Variants in CEP192 observed in about 807,000 individuals in gnomAD.
The protein encoded by CEP192 is centrosomal protein 192.
Under a neutral mutation model 271.8 loss-of-function variants are expected in CEP192, and 151 were observed. The ratio of observed to expected loss-of-function variants is 0.56; its 90% CI spans 0.49 to 0.64. CEP192 has a LOEUF of 0.64. Among genes scored for constraint, CEP192 ranks in the 30% least tolerant of loss-of-function variants. The probability of loss-of-function intolerance (pLI) is 0.00; values close to 1 mark genes in which losing one functional copy is unlikely to be tolerated. For missense variants in CEP192, 2,910 were observed against 3,020.5 expected, an observed-to-expected ratio of 0.96 and a Z score of 0.86; for synonymous variants, 995 against 1,076.5, an observed-to-expected ratio of 0.92 and a Z score of 1.48.
intron 9 of CEP192, among the ~76,000 whole-genome samples, chr18:13,023,679 G>A (rs1331035308): frequency 1.3e-5 from 2 of 152,028 alleles, no homozygotes; most frequent in Admixed American, 6.6e-5. Context: ...GGAGAAATTG[G>A]TCAGTAGTTT....
intron 44 of CEP192, among the ~76,000 whole-genome samples, chr18:13,121,219 TTTAG>T (rs1414923706): frequency 6.6e-6 from 1 of 152,260 alleles, no homozygotes; most frequent in African/African-American, 2.4e-5. Context: ...ATTCCCAGCC[TTTAG>T]TTAATCACAT....
At chr18:13,112,289 A>T (rs1424364258) in intron 40 of CEP192, among the ~76,000 whole-genome samples, 1 of 152,238 alleles carries the variant, frequency 6.6e-6, no homozygotes, top group East Asian at 1.9e-4. Context: ...TTTGGCAGTG[A>T]AAAGGAATGG....
At chr18:13,073,941 T>G (rs915564566) in intron 30 of CEP192, among the ~76,000 whole-genome samples, 9 of 152,230 alleles carry the variant, frequency 5.9e-5, no homozygotes, top group African/African-American at 2.2e-4. Context: ...GTTTTTATGC[T>G]TTTTAATTGC....
At chr18:13,119,648 A>C (rs1568448767) in intron 44 of CEP192, among the ~76,000 whole-genome samples, 1 of 152,332 alleles carries the variant, frequency 6.6e-6, no homozygotes, top group East Asian at 1.9e-4. Flanking sequence ...AGACTGAGGC[A>C]GGAGAATCCC....
At chr18:13,029,570 A>G (rs2035497172) in intron 9 of CEP192, 93 bp from the exon 10 acceptor site, 1 of 739,816 alleles carries the variant, frequency 1.4e-6, no homozygotes, top group South Asian at 2.2e-5. Flanking sequence ...ATTTTATATC[A>G]ACTATATAAT....
At chr18:13,095,366 C>A in intron 34 of CEP192, 137 bp from the exon 35 acceptor site, 1 of 687,650 alleles carries the variant, frequency 1.5e-6, no homozygotes, top group Non-Finnish European at 2.4e-6. Context: ...CCTGATAACT[C>A]ACTTTTAACT....
chr18:13,096,042 T>C (rs2039382892), intron 35 of CEP192, 142 bp from the exon 36 acceptor site: 1 of 836,894 alleles, frequency 1.2e-6, no homozygotes, highest in South Asian at 1.8e-5. Flanking sequence ...CTACCAAGGA[T>C]TGGAAATTTC....
At chr18:13,052,784 T>C (rs2036864551) in intron 17 of CEP192, 135 bp from the exon 18 acceptor site, 1 of 595,274 alleles carries the variant, frequency 1.7e-6, no homozygotes, top group African/African-American at 1.8e-5. Flanking sequence ...TTTACAATTT[T>C]AGATAATTAA....
intron 30 of CEP192, among the ~76,000 whole-genome samples, chr18:13,083,499 C>G (rs1034644079): frequency 6.6e-6 from 1 of 152,158 alleles, no homozygotes; most frequent in Non-Finnish European, 1.5e-5. Context: ...GATGTTTATT[C>G]TAGTTAGCCA....
At chr18:13,061,544 G>C (rs1362875605) in intron 21 of CEP192, among the ~76,000 whole-genome samples, 1 of 152,182 alleles carries the variant, frequency 6.6e-6, no homozygotes, top group African/African-American at 2.4e-5. Flanking sequence ...GATTGGAAAT[G>C]TTCTTTATAA....
chr18:13,032,409 G>T (rs1174904146), intron 11 of CEP192, among the ~76,000 whole-genome samples: 1 of 152,056 alleles, frequency 6.6e-6, no homozygotes, highest in Non-Finnish European at 1.5e-5. Flanking sequence ...GTGGAAATAG[G>T]GGTCAGAAGT....
In CEP192 at chr18:13,023,597, A is replaced by G. The variant is rs558872758; in HGVS notation, c.1050+4391A>G. On this transcript the variant is annotated intron_variant, in intron 9 of 44. Transcript: ENST00000506447. ...CCTGGGATCTCCTTGGTTATGATGT[A>G]TAATTCTTTTTATATAATATTTGAT... Among the ~76,000 whole-genome samples, 3 of 151,788 alleles carry G rather than the reference A, an allele frequency of 2.0e-5. No individual in the cohort carries two copies. The South Asian group carries it at 6.2e-4, about 32-fold the overall frequency.
chr18:13,061,408 A>T (rs1203763353), intron 21 of CEP192, among the ~76,000 whole-genome samples: 1 of 152,266 alleles, frequency 6.6e-6, no homozygotes, highest in African/African-American at 2.4e-5. Context: ...GGGATGAGAC[A>T]CAGGGCAGCC....
intron 6 of CEP192, among the ~76,000 whole-genome samples, chr18:13,016,081 C>A (rs541223988): frequency 9.7e-4 from 147 of 152,234 alleles, no homozygotes; most frequent in African/African-American, 3.3e-3. Flanking sequence ...CTCTCGGACA[C>A]CTTAGTCAGG....
chr18:13,000,804 T>G (rs749819283), intron 2 of CEP192, among the ~76,000 whole-genome samples: 3 of 152,160 alleles, frequency 2.0e-5, no homozygotes, highest in Non-Finnish European at 4.4e-5. Flanking sequence ...AATACAAACA[T>G]TAGCCAGGCG....
chr18:13,110,973 C>G (rs2040183867), intron 40 of CEP192, among the ~76,000 whole-genome samples: 1 of 152,224 alleles, frequency 6.6e-6, no homozygotes, highest in South Asian at 2.1e-4. Context: ...ATTGGATGTG[C>G]TCACCCACAT....
chr18:13,064,458 A>C (rs987884194), intron 21 of CEP192, among the ~76,000 whole-genome samples: 7 of 152,012 alleles, frequency 4.6e-5, no homozygotes, highest in African/African-American at 1.7e-4. Context: ...TAAAAATACA[A>C]AAAATTAGCC....
chr18:13,095,301 C>T (rs1417536396), intron 34 of CEP192, among the ~76,000 whole-genome samples: 2 of 152,192 alleles, frequency 1.3e-5, no homozygotes, highest in African/African-American at 4.8e-5. Flanking sequence ...CACACCCAGC[C>T]TGTACACATT....
rs1017571616 is a variant in CEP192 at position 12,995,973 on chromosome 18, G to T, written c.-4-3448G>T. Among the ~76,000 whole-genome samples the T allele has an allele frequency of 2.6e-5, 4 of 152,338 alleles. No individual in the cohort carries two copies. In the South Asian group the frequency reaches 6.2e-4, roughly 24 times the overall value. On this transcript the variant is annotated intron_variant, in intron 1 of 44. Transcript: ENST00000506447. ...GAAGAGTAGAGGAGACGAAGTCACA[G>T]ATTATCTGGGCCCTGGTTGGCCATC...
Sources: allele counts gnomAD v4.1 joint callset (sites outside exome capture counted in the v4.1 genomes callset), GRCh38; gene constraint gnomAD v4.1.1; transcripts MANE v1.5; gene names NCBI Gene and HGNC (gene_info 2026-07-23, HGNC 2026-07-21).